PDSS2: variants seen among roughly 807,000 people sequenced by gnomAD.
PDSS2 encodes the protein all trans-polyprenyl-diphosphate synthase PDSS2.
Under a neutral mutation model 44.5 loss-of-function variants are expected in PDSS2, and 31 were observed. That is an observed-to-expected ratio of 0.70 (90% confidence interval 0.52 to 0.94). The LOEUF (loss-of-function observed/expected upper bound fraction) is 0.94. Among genes scored for constraint, PDSS2 ranks in the 40% least tolerant of loss-of-function variants. PDSS2 has a pLI of 0.00. For synonymous variants in PDSS2, 157 were observed against 180.3 expected, an observed-to-expected ratio of 0.87 and a Z score of 1.03; for missense variants, 452 against 482.2, an observed-to-expected ratio of 0.94 and a Z score of 0.59.
intron 4 of PDSS2, among the ~76,000 whole-genome samples, chr6:107,243,478 C>T (rs1418403492): frequency 6.6e-6 from 1 of 152,166 alleles, no homozygotes; most frequent in African/African-American, 2.4e-5. Context: ...AAATTAAGAA[C>T]CTTAAAACCA....
intron 3 of PDSS2, among the ~76,000 whole-genome samples, chr6:107,256,139 T>TGC (rs907925574): frequency 6.6e-6 from 1 of 152,104 alleles, no homozygotes; most frequent in Non-Finnish European, 1.5e-5. Context: ...TACAGGTGCA[T>TGC]GCCACCATGC....
intron 1 of PDSS2, among the ~76,000 whole-genome samples, chr6:107,366,856 T>C (rs1348821786): frequency 2.0e-5 from 3 of 151,994 alleles, no homozygotes; most frequent in Non-Finnish European, 4.4e-5. Context: ...GAATTATTAA[T>C]TAAAGTCCTT....
intron 1 of PDSS2, among the ~76,000 whole-genome samples, chr6:107,340,580 T>A (rs193267870): frequency 1.1e-4 from 17 of 151,824 alleles, no homozygotes; most frequent in Admixed American, 9.8e-4. Flanking sequence ...GCTATAATAG[T>A]AGATTCAAAG....
intron 7 of PDSS2, among the ~76,000 whole-genome samples, chr6:107,183,247 AT>A (rs1772048142): frequency 6.6e-6 from 1 of 151,300 alleles, no homozygotes; most frequent in Non-Finnish European, 1.5e-5. Context: ...CACCCATACC[AT>A]TATGGTATTT....
intron 1 of PDSS2, among the ~76,000 whole-genome samples, chr6:107,453,637 G>A (rs749338226): frequency 6.6e-6 from 1 of 152,102 alleles, no homozygotes; most frequent in African/African-American, 2.4e-5. Context: ...TTTAACAGTA[G>A]GTGGAATGAT....
chr6:107,303,796 G>A (rs1228794617), intron 2 of PDSS2, among the ~76,000 whole-genome samples: 2 of 152,148 alleles, frequency 1.3e-5, no homozygotes, highest in Non-Finnish European at 2.9e-5. Flanking sequence ...ATATATCCAT[G>A]TGCATATGTA....
At chr6:107,451,362 A>G (rs1299596009) in intron 1 of PDSS2, among the ~76,000 whole-genome samples, 1 of 152,076 alleles carries the variant, frequency 6.6e-6, no homozygotes, top group Non-Finnish European at 1.5e-5. Flanking sequence ...GTCTTGGAAG[A>G]TGTCCGGGAT....
intron 3 of PDSS2, among the ~76,000 whole-genome samples, chr6:107,246,131 A>C (rs148403765): frequency 6.6e-6 from 1 of 152,340 alleles, no homozygotes; most frequent in Non-Finnish European, 1.5e-5. Flanking sequence ...TCCCTGGGTC[A>C]AATGTACCAT....
chr6:107,159,652 T>C (rs902538436), intron 7 of PDSS2, among the ~76,000 whole-genome samples: 25 of 151,356 alleles, frequency 1.7e-4, no homozygotes, highest in Admixed American at 5.9e-4. Context: ...TCTCCTGACC[T>C]TGCGATCCAC....
intron 2 of PDSS2, among the ~76,000 whole-genome samples, chr6:107,279,134 G>A (rs1174463987): frequency 1.3e-5 from 2 of 152,044 alleles, no homozygotes; most frequent in Non-Finnish European, 2.9e-5. Context: ...CAGGAGAATC[G>A]CTTCAACCCG....
intron 2 of PDSS2, among the ~76,000 whole-genome samples, chr6:107,282,426 T>A (rs977368030): frequency 1.1e-4 from 16 of 152,066 alleles, no homozygotes; most frequent in Admixed American, 6.5e-4. Flanking sequence ...AGGGTCTCAC[T>A]CTGTAGCCCA....
chr6:107,396,678 C>CTTTTT (rs950671310), intron 1 of PDSS2, among the ~76,000 whole-genome samples: 56 of 79,328 alleles, frequency 7.1e-4, no homozygotes, highest in African/African-American at 1.6e-3. Context: ...CTTCTTTTTT[C>CTTTTT]TTTTTTTTTT....
chr6:107,334,145 G>C lies in PDSS2; in HGVS notation c.431+53C>G, dbSNP rs1405513285. The C allele has an allele frequency of 4.0e-6, 6 of 1,512,804 alleles. No homozygotes were observed. In the African/African-American group the frequency reaches 8.2e-5, roughly 21 times the overall value. 93.7% of individuals were successfully genotyped at this position (1,512,804 alleles called of 1,614,324 possible). On this transcript the variant is annotated intron_variant, in intron 2 of 7. Coordinates refer to ENST00000369037, the MANE Select transcript of PDSS2 (RefSeq NM_020381.4). ...GGTGATTTCCACTGACCTCTGTCCAGTAAAAGAAAACACGATGTAGAGAGC... is the reference window on the plus strand; with the variant it reads ...GGTGATTTCCACTGACCTCTGTCCACTAAAAGAAAACACGATGTAGAGAGC...
At position 107,154,479 on chromosome 6, in the gene PDSS2, G is replaced by GAAC; in HGVS notation, c.*137_*139dup. On this transcript the variant is annotated 3_prime_UTR_variant, in exon 8 of 8. Coordinates refer to ENST00000369037, the MANE Select transcript of PDSS2 (RefSeq NM_020381.4). ...TTGTAGCAGTTCCAAAAAGAAAGCAGAACTCATTTAGCAATGTGATAAAAG... is the reference window on the plus strand; with the variant it reads ...TTGTAGCAGTTCCAAAAAGAAAGCAGAACAACTCATTTAGCAATGTGATAAAAG... The GAAC allele has an allele frequency of 1.3e-6, 1 of 790,500 alleles. No homozygotes were observed. Among genetic ancestry groups the GAAC allele is most frequent in the Non-Finnish European group, 2.1e-6 (1 of 476,976 alleles). The allele number at this position is 790,500 out of a possible 1,614,324, so 49.0% of individuals were successfully genotyped here. A position where few individuals can be genotyped will look rare whatever the true frequency, so the allele number is the denominator to read the frequency against.
chr6:107,194,950 T>A (rs561652769), intron 6 of PDSS2, among the ~76,000 whole-genome samples: 1 of 150,776 alleles, frequency 6.6e-6, no homozygotes. Flanking sequence ...CAAGACTCCA[T>A]CTCAAAAAAA....
chr6:107,268,810 A>T (rs764107184), intron 3 of PDSS2, among the ~76,000 whole-genome samples: 51 of 152,228 alleles, frequency 3.4e-4, no homozygotes, highest in Non-Finnish European at 5.7e-4. Flanking sequence ...TGATAAGTTC[A>T]GAGTAAATTT....
At chr6:107,400,603 T>A (rs1452506294) in intron 1 of PDSS2, among the ~76,000 whole-genome samples, 1 of 152,210 alleles carries the variant, frequency 6.6e-6, no homozygotes, top group Non-Finnish European at 1.5e-5. Context: ...AAAGTCTTGC[T>A]AGGTCAAGAC....
chr6:107,266,575 G>A (rs1351867375), intron 3 of PDSS2, among the ~76,000 whole-genome samples: 1 of 152,172 alleles, frequency 6.6e-6, no homozygotes, highest in South Asian at 2.1e-4. Flanking sequence ...CCTCACCAGA[G>A]AAAGGTTGAT....
chr6:107,365,336 C>T (rs1382756216), intron 1 of PDSS2, among the ~76,000 whole-genome samples: 1 of 151,358 alleles, frequency 6.6e-6, no homozygotes, highest in Non-Finnish European at 1.5e-5. Flanking sequence ...ATATTTTAGC[C>T]CCCAAAACAA....
Sources: allele counts gnomAD v4.1 joint callset (sites outside exome capture counted in the v4.1 genomes callset), GRCh38; gene constraint gnomAD v4.1.1; transcripts MANE v1.5; gene names NCBI Gene and HGNC (gene_info 2026-07-23, HGNC 2026-07-21).